Variants in SLC26A6 observed in about 807,000 individuals in gnomAD.
SLC26A6 encodes the protein anion exchange transporter.
In SLC26A6, 67 loss-of-function variants were observed where a neutral mutation model predicts 87.1. The observed-to-expected ratio is 0.77, with a 90% CI of 0.63 to 0.94. The LOEUF (loss-of-function observed/expected upper bound fraction) is 0.94, where lower values mean the gene tolerates loss of function less well. Ranked by LOEUF, SLC26A6 falls within the 40% of genes least tolerant of loss-of-function variation. The pLI is 0.00. For missense variants in SLC26A6, 902 were observed against 973.0 expected (o/e 0.93, Z 0.97); for synonymous variants, 414 against 405.9 (o/e 1.02, Z -0.24).
rs199824586 is a variant in SLC26A6 at position 48,632,225 on chromosome 3, T to C, written c.585+20A>G. 3.8e-3 allele frequency: 6,054 copies of C among 1,576,292 alleles called. 15 individuals are homozygous for C. Among genetic ancestry groups the C allele is most frequent in the Non-Finnish European group, 4.5e-3 (5,239 of 1,159,300 alleles). On this transcript the variant is annotated intron_variant, in intron 5 of 20. Coordinates refer to ENST00000395550, the MANE Select transcript of SLC26A6 (RefSeq NM_022911.3). ...AGCAGAAGTGGTGGTGGGGGGCACATACTCCTGACTGTTCCACACCTGGAA... is the reference window on the plus strand; with the variant it reads ...AGCAGAAGTGGTGGTGGGGGGCACACACTCCTGACTGTTCCACACCTGGAA...
At chr3:48,630,008 G>A (rs758123741) in intron 12 of SLC26A6, 30 bp from the exon 13 acceptor site, 16 of 1,613,726 alleles carry the variant, frequency 9.9e-6, no homozygotes, top group Middle Eastern at 1.6e-4. Flanking sequence ...GTTGGAGGGC[G>A]GCGAGGAGCC....
At position 48,630,475 on chromosome 3, in the gene SLC26A6, A is replaced by T; in HGVS notation, c.1289T>A (p.Ile430Asn). The T allele has an allele frequency of 6.4e-7, 1 of 1,561,210 alleles. No homozygotes were observed. Residue 430 changes from isoleucine to asparagine, a missense_variant, in exon 11 of 21, where the codon ATT becomes AAT. Physicochemically the swap from Ile to Asn is moderately radical, Grantham distance 149. Coordinates refer to ENST00000395550, the MANE Select transcript of SLC26A6 (RefSeq NM_022911.3). ...AISSLFILLI[I>N]VKLGELFHDL... ...ATGGAAGAGTTCCCCAAGTTTGACAATGATGAGGAGGATGAAAAGGGAAGA... is the reference window on the plus strand; with the variant it reads ...ATGGAAGAGTTCCCCAAGTTTGACATTGATGAGGAGGATGAAAAGGGAAGA...
chr3:48,628,698 C>T lies in SLC26A6; in HGVS notation c.1616G>A (p.Gly539Glu). 3.7e-6 allele frequency: 6 copies of T among 1,613,390 alleles called. No individual in the cohort carries two copies. The highest frequency in any genetic ancestry group is 4.2e-6 in the Non-Finnish European group (5 of 1,179,820). ...AEYSEAKEVR[G>E]VKVFRSSATV... ...GGCCGAGGAGCGGAAGACCTTCACC[C>T]CCCGGACTTCCTTGGCCTGGGGATG... Residue 539 changes from glycine to glutamate, a missense_variant, in exon 15 of 21, where the codon GGG becomes GAG. Coordinates refer to ENST00000395550, the MANE Select transcript of SLC26A6 (RefSeq NM_022911.3). The surrounding 1 kb of genome is among the most constrained non-coding windows in gnomAD (Gnocchi z 4.4).
Position 48,628,427 on chromosome 3 carries a change from G to A in SLC26A6, c.1800+7C>T, listed in dbSNP as rs757241803. 2 of 1,613,752 alleles carry A rather than the reference G, an allele frequency of 1.2e-6. No individual in the cohort carries two copies. Among genetic ancestry groups the A allele is most frequent in the Non-Finnish European group, 1.7e-6 (2 of 1,179,966 alleles). Reference sequence around the variant, plus strand: ...AGATGGGGGTCACCAGACAAAAGGGGCCCTGCCTGTTTCCGAAGCTTCTCC... The same window carrying A: ...AGATGGGGGTCACCAGACAAAAGGGACCCTGCCTGTTTCCGAAGCTTCTCC... On this transcript the variant is annotated splice_region_variant and intron_variant, in intron 16 of 20. Transcript: ENST00000395550. This position sits in a 1 kb window ranked among gnomAD's most constrained non-coding sequence, Gnocchi z 4.4.
chr3:48,627,862 G>A (rs1156656304), intron 17 of SLC26A6, 84 bp downstream of exon 17: 4 of 1,341,658 alleles, frequency 3.0e-6, no homozygotes, highest in African/African-American at 3.1e-5. Context: ...CAGCTGCTGG[G>A]TCCATGGCAT....
chr3:48,628,302 T>A lies in SLC26A6; in HGVS notation c.1800+132A>T. 8.0e-7 allele frequency: 1 copy of A among 1,249,728 alleles called. No individual in the cohort carries two copies. Among genetic ancestry groups the A allele is most frequent in the Non-Finnish European group, 1.1e-6 (1 of 892,206 alleles). 77.4% of individuals were successfully genotyped at this position (1,249,728 alleles called of 1,614,324 possible). On this transcript the variant is annotated intron_variant, in intron 16 of 20. Coordinates refer to ENST00000395550, the MANE Select transcript of SLC26A6 (RefSeq NM_022911.3). The surrounding 1 kb of genome is among the most constrained non-coding windows in gnomAD (Gnocchi z 4.4). Reference sequence around the variant, plus strand: ...GACCTGCTAGGGGAGTGAAGCAGGGTCCCTGGGAGCATGAGGGAGAAAGGG... The same window carrying A: ...GACCTGCTAGGGGAGTGAAGCAGGGACCCTGGGAGCATGAGGGAGAAAGGG...
Position 48,631,150 on chromosome 3 carries a change from G to C in SLC26A6, c.987-10C>G, listed in dbSNP as rs1559468155. 6.2e-7 allele frequency: 1 copy of C among 1,613,684 alleles called. No individual in the cohort carries two copies. Among genetic ancestry groups the C allele is most frequent in the Non-Finnish European group, 8.5e-7 (1 of 1,179,976 alleles). On this transcript the variant is annotated splice_polypyrimidine_tract_variant and intron_variant, in intron 8 of 20. Transcript: ENST00000395550. The stretch of plus-strand genomic sequence containing the variant: ...CACTGGGGGCACCAGCCTGTGAGAG[G>C]TATCTGTGAGGCCAAAGCAAGGTCC...
Position 48,628,664 on chromosome 3 carries a change from G to A in SLC26A6, c.1650C>T (p.Tyr550=). Reference sequence around the variant, plus strand: ...CACTGTAGAACTCAGCATTGGCAAAGTACACGGTGGCCGAGGAGCGGAAGA... The same window carrying A: ...CACTGTAGAACTCAGCATTGGCAAAATACACGGTGGCCGAGGAGCGGAAGA... ...VKVFRSSATV[Y]FANAEFYSDA... is the part of the protein sequence containing the mutation. The change falls in exon 15 of 21, where the codon TAC becomes TAT. Residue 550 remains tyrosine, a synonymous_variant. Coordinates refer to ENST00000395550, the MANE Select transcript of SLC26A6 (RefSeq NM_022911.3). The surrounding 1 kb of genome is among the most constrained non-coding windows in gnomAD (Gnocchi z 4.4). 6.2e-7 allele frequency: 1 copy of A among 1,613,678 alleles called. No homozygotes were observed. The highest frequency in any genetic ancestry group is 8.5e-7 in the Non-Finnish European group (1 of 1,179,914).
chr3:48,628,353 G>A lies in SLC26A6; in HGVS notation c.1800+81C>T. On this transcript the variant is annotated intron_variant, in intron 16 of 20. Transcript: ENST00000395550. The surrounding 1 kb of genome is among the most constrained non-coding windows in gnomAD (Gnocchi z 4.4). ...GAAGGGATGAGGAGTGAGGACGAGG[G>A]AGGAGTCGGGGGCCAGGAGAAAGGC... The A allele has an allele frequency of 3.2e-6, 5 of 1,566,186 alleles. No homozygotes were observed. The highest frequency in any genetic ancestry group is 2.2e-5 in the East Asian group (1 of 44,618).
chr3:48,630,974 C>A lies in SLC26A6; in HGVS notation c.1134+19G>T. ...TCCATACACTTGGATGCCTCCTACA[C>A]ATCCCGCATCACCCAGACCTGGTTG... On this transcript the variant is annotated intron_variant, in intron 9 of 20. Coordinates refer to ENST00000395550, the MANE Select transcript of SLC26A6 (RefSeq NM_022911.3). 1 of 1,613,256 alleles carries A rather than the reference C, an allele frequency of 6.2e-7. No homozygotes were observed. Among genetic ancestry groups the A allele is most frequent in the Non-Finnish European group, 8.5e-7 (1 of 1,179,714 alleles).
Position 48,630,533 on chromosome 3 carries a change from G to A in SLC26A6, c.1249-18C>T. The A allele has an allele frequency of 1.3e-6, 2 of 1,558,262 alleles. No individual in the cohort carries two copies. The highest frequency in any genetic ancestry group is 1.2e-5 in the South Asian group (1 of 84,634). On this transcript the variant is annotated intron_variant, in intron 10 of 20. Transcript: ENST00000395550. Reference sequence around the variant, plus strand: ...CCAGCAACCTGTTCGGGGAGGGAGTGAGCAGGGGAGAGACCTCCTTCCCCA... The same window carrying A: ...CCAGCAACCTGTTCGGGGAGGGAGTAAGCAGGGGAGAGACCTCCTTCCCCA...
In SLC26A6 at chr3:48,631,641, C is replaced by T. The variant is rs544992177; in HGVS notation, c.903+8G>A. ...TCTCCCCTGCCCTCCACTCCCTGGC[C>T]CTCGAACCGTGAGCAGCTCCCCGGG... On this transcript the variant is annotated splice_region_variant and intron_variant, in intron 7 of 20. Transcript: ENST00000395550. 1 of 1,611,850 alleles carries T rather than the reference C, an allele frequency of 6.2e-7. No individual in the cohort carries two copies. Among genetic ancestry groups the T allele is most frequent in the South Asian group, 1.1e-5 (1 of 90,840 alleles).
At chr3:48,635,269 C>T in intron 1 of SLC26A6, 102 bp downstream of exon 1, 1 of 1,201,556 alleles carries the variant, frequency 8.3e-7, no homozygotes, top group South Asian at 1.4e-5. Context: ...ACCGAGGCGT[C>T]GCAAGCGGAG....
intron 7 of SLC26A6, 68 bp downstream of exon 7, chr3:48,631,581 T>C: frequency 2.6e-6 from 4 of 1,564,384 alleles, no homozygotes; most frequent in Non-Finnish European, 3.5e-6. Flanking sequence ...TACAGGAGGC[T>C]GCCCACGTGG....
At chr3:48,626,111 G>A in intron 20 of SLC26A6, 107 bp downstream of exon 20, 2 of 1,611,010 alleles carry the variant, frequency 1.2e-6, no homozygotes, top group East Asian at 2.2e-5. Context: ...TGGGCCCACT[G>A]GGGACAGAGC....
At chr3:48,631,395 T>G (rs2106664401) in intron 7 of SLC26A6, 89 bp from the exon 8 acceptor site, 1 of 1,381,980 alleles carries the variant, frequency 7.2e-7, no homozygotes. Context: ...AGGGAGATAC[T>G]GGGCAAAACC....
At chr3:48,632,209 G>T (rs762378668) in intron 5 of SLC26A6, 36 bp downstream of exon 5, 6 of 1,568,962 alleles carry the variant, frequency 3.8e-6, no homozygotes, top group Non-Finnish European at 5.2e-6. Context: ...GAGCAGAAGT[G>T]GTGGTGGGGG....
At chr3:48,634,746 A>T in intron 1 of SLC26A6, 1 of 985,450 alleles carries the variant, frequency 1.0e-6, no homozygotes, top group Non-Finnish European at 1.2e-6. Flanking sequence ...AAGCGCCTCT[A>T]ACCTGGCTGT....
At chr3:48,632,451 G>A in intron 4 of SLC26A6, 55 bp from the exon 5 acceptor site, 1 of 1,576,306 alleles carries the variant, frequency 6.3e-7, no homozygotes, top group Non-Finnish European at 8.6e-7. Context: ...CCCTGCCCTG[G>A]AGCCCTGGTC....
Sources: gnomAD v4.1 joint callset for allele counts on GRCh38, gnomAD v4.1.1 for gene constraint, Gnocchi (gnomAD v3.1) non-coding constraint, MANE v1.5 for transcripts, NCBI Gene and HGNC (gene_info 2026-07-23, HGNC 2026-07-21) for gene names.